Variants in DNMT3A observed in about 807,000 individuals in gnomAD.
DNMT3A encodes the protein DNA methyltransferase 3 alpha.
DNMT3A carries 267 observed loss-of-function variants against 117.6 expected under a neutral mutation model. The observed-to-expected ratio is 2.27, with a 90% confidence interval of 2.05 to 2.51. DNMT3A has a LOEUF of 2.51. Ranked by LOEUF, DNMT3A falls within the 30% of genes most tolerant of loss-of-function variation. DNMT3A has a pLI of 0.00. For synonymous variants in DNMT3A, 432 were observed against 474.8 expected, an observed-to-expected ratio of 0.91 and a Z score of 1.17; for missense variants, 1,029 against 1,260.2, an observed-to-expected ratio of 0.82 and a Z score of 2.78.
At chr2:25,317,212 C>T (rs1164270083) in intron 1 of DNMT3A, among the ~76,000 whole-genome samples, 2 of 148,098 alleles carry the variant, frequency 1.4e-5, no homozygotes, top group Admixed American at 6.8e-5. Flanking sequence ...CAGCCATGTA[C>T]CACCACACCT....
At position 25,341,885 on chromosome 2, in the gene DNMT3A, C is replaced by T; in HGVS notation, c.-237G>A. 1.0e-6 allele frequency: 1 copy of T among 980,240 alleles called. No homozygotes were observed. The highest frequency in any genetic ancestry group is 1.2e-6 in the Non-Finnish European group (1 of 827,704). The allele number at this position is 980,240 out of a possible 1,614,324, so 60.7% of individuals were successfully genotyped here. On this transcript the variant is annotated 5_prime_UTR_variant, in exon 1 of 23. Coordinates refer to ENST00000321117, the MANE Select transcript of DNMT3A (RefSeq NM_022552.5). ...GCGCCCTGGTGCCGCGGCGCCGCGT[C>T]CCGGCTCGTCCTCTGCTCTCGCCGC... is the stretch of plus-strand genomic sequence containing the variant.
rs1280666294 is a variant in DNMT3A at position 25,252,154 on chromosome 2, C to T, written c.640-3902G>A. On this transcript the variant is annotated intron_variant, in intron 6 of 22. Coordinates refer to ENST00000321117, the MANE Select transcript of DNMT3A (RefSeq NM_022552.5). This position sits in a 1 kb window ranked among gnomAD's most constrained non-coding sequence, Gnocchi z 5.5. ...ATCCTCCCACCGGCCCTGCCGCCTC[C>T]CCGCCCCCGGTCTCCCCGGGGCTCC... is the stretch of plus-strand genomic sequence containing the variant. The T allele has an allele frequency of 1.3e-6, 2 of 1,552,322 alleles. No homozygotes were observed. Among genetic ancestry groups the T allele is most frequent in the Admixed American group, 1.9e-5 (1 of 51,980 alleles).
intron 6 of DNMT3A, among the ~76,000 whole-genome samples, chr2:25,258,669 C>T: frequency 6.6e-6 from 1 of 152,240 alleles, no homozygotes; most frequent in South Asian, 2.1e-4. Context: ...CTACATGTGC[C>T]GAAGGAACTC....
In DNMT3A at chr2:25,247,993, G is replaced by A. The variant is rs766926662; in HGVS notation, c.855+44C>T. 6.2e-7 allele frequency: 1 copy of A among 1,610,222 alleles called. No individual in the cohort carries two copies. Among genetic ancestry groups the A allele is most frequent in the Non-Finnish European group, 8.5e-7 (1 of 1,179,058 alleles). ...GGACGGGAGGAGCTGGCAGTGGAAG[G>A]CCCCCGGAAAGAGCTGGCCACGGCT... On this transcript the variant is annotated intron_variant, in intron 7 of 22. Coordinates refer to ENST00000321117, the MANE Select transcript of DNMT3A (RefSeq NM_022552.5). The surrounding 1 kb of genome is among the most constrained non-coding windows in gnomAD (Gnocchi z 5.6).
chr2:25,263,977 C>T (rs2029928472), intron 6 of DNMT3A, among the ~76,000 whole-genome samples: 1 of 152,182 alleles, frequency 6.6e-6, no homozygotes, highest in Non-Finnish European at 1.5e-5. Context: ...ACCTACCAAC[C>T]TCTCACAGGG....
chr2:25,264,342 G>A (rs1297869106), intron 6 of DNMT3A, among the ~76,000 whole-genome samples: 1 of 151,828 alleles, frequency 6.6e-6, no homozygotes, highest in Non-Finnish European at 1.5e-5. Flanking sequence ...GTTTCACCAT[G>A]TTAGCCAGAC....
In DNMT3A at chr2:25,247,981, T is replaced by C; in HGVS notation, c.855+56A>G. ...GAGAGGAGAGCAGGACGGGAGGAGCTGGCAGTGGAAGGCCCCCGGAAAGAG... is the reference window on the plus strand; with the variant it reads ...GAGAGGAGAGCAGGACGGGAGGAGCCGGCAGTGGAAGGCCCCCGGAAAGAG... On this transcript the variant is annotated intron_variant, in intron 7 of 22. Transcript: ENST00000321117. The surrounding 1 kb of genome is among the most constrained non-coding windows in gnomAD (Gnocchi z 5.6). 1 of 1,608,272 alleles carries C rather than the reference T, an allele frequency of 6.2e-7. No individual in the cohort carries two copies. Among genetic ancestry groups the C allele is most frequent in the South Asian group, 1.1e-5 (1 of 90,774 alleles).
intron 2 of DNMT3A, among the ~76,000 whole-genome samples, chr2:25,313,423 T>C (rs1335647936): frequency 6.6e-6 from 1 of 152,180 alleles, no homozygotes; most frequent in Non-Finnish European, 1.5e-5. Flanking sequence ...GCCCAGCCTG[T>C]GCCTCCGTCT....
rs1295208594 is a variant in DNMT3A, at chr2:25,252,063, G to C, written c.640-3811C>G. On this transcript the variant is annotated intron_variant, in intron 6 of 22. Transcript: ENST00000321117. This position sits in a 1 kb window ranked among gnomAD's most constrained non-coding sequence, Gnocchi z 5.5. ...ATCTCCAGAACTCGGGCCAGGCCGG[G>C]ACGCCGCGGCTGCTGCGGGCCGGGG... 1.1e-5 allele frequency: 14 copies of C among 1,237,814 alleles called. No individual in the cohort carries two copies. The highest frequency in any genetic ancestry group is 5.5e-6 in the Non-Finnish European group (5 of 905,040). The allele number at this position is 1,237,814 out of a possible 1,614,324, so 76.7% of individuals were successfully genotyped here.
At chr2:25,275,213 G>A in intron 5 of DNMT3A, 126 bp from the exon 6 acceptor site, 1 of 1,344,088 alleles carries the variant, frequency 7.4e-7, no homozygotes, top group Non-Finnish European at 9.8e-7. Context: ...GGGAGTGCTG[G>A]GCAGGCCCCG....
intron 4 of DNMT3A, among the ~76,000 whole-genome samples, chr2:25,280,615 C>T (rs1161741344): frequency 6.6e-6 from 1 of 152,210 alleles, no homozygotes; most frequent in Non-Finnish European, 1.5e-5. Context: ...GCGCTTATCT[C>T]CATGTGTAAT....
intron 1 of DNMT3A, among the ~76,000 whole-genome samples, chr2:25,325,632 C>T (rs552186992): frequency 6.6e-6 from 1 of 152,256 alleles, no homozygotes; most frequent in African/African-American, 2.4e-5. Context: ...TAATGCTTTC[C>T]CTGGGAGAGA....
In DNMT3A at chr2:25,312,241, A is replaced by G. The variant is rs540544671; in HGVS notation, c.72+1672T>C. Among the ~76,000 whole-genome samples, 5 of 152,128 alleles carry G rather than the reference A, an allele frequency of 3.3e-5. No individual in the cohort carries two copies. In the South Asian group the frequency reaches 6.2e-4, roughly 19 times the overall value. ...GCACAGACAGCGGCAGGTGTCCCCA[A>G]CTCTACGGCCAAAGGGCTTGGGTCT... On this transcript the variant is annotated intron_variant, in intron 2 of 22. Coordinates refer to ENST00000321117, the MANE Select transcript of DNMT3A (RefSeq NM_022552.5).
rs2031890778 is a variant in DNMT3A, at chr2:25,281,600, T to C, written c.448+841A>G. The C allele has an allele frequency of 9.4e-7, 1 of 1,064,122 alleles. No homozygotes were observed. The highest frequency in any genetic ancestry group is 5.4e-5 in the Admixed American group (1 of 18,676). The allele number at this position is 1,064,122 out of a possible 1,614,324, so 65.9% of individuals were successfully genotyped here. A position where few individuals can be genotyped will look rare whatever the true frequency, so the allele number is the denominator to read the frequency against. On this transcript the variant is annotated intron_variant, in intron 4 of 22. Transcript: ENST00000321117. This position sits in a 1 kb window ranked among gnomAD's most constrained non-coding sequence, Gnocchi z 4.8. The stretch of plus-strand genomic sequence containing the variant: ...AGACTTTTTGAAATTAAAATGCACA[T>C]ATGCAAAACAACCTGGCAGGGCCCT...
chr2:25,244,343 A>C lies in DNMT3A; in HGVS notation c.1668-5T>G. On this transcript the variant is annotated splice_polypyrimidine_tract_variant and splice_region_variant and intron_variant, in intron 14 of 22. Coordinates refer to ENST00000321117, the MANE Select transcript of DNMT3A (RefSeq NM_022552.5). ...ACACACTCCACGCAAAAGCACCTGGAAGGAGACCCAGTGAGCAGAGGAGAC... is the reference window on the plus strand; with the variant it reads ...ACACACTCCACGCAAAAGCACCTGGCAGGAGACCCAGTGAGCAGAGGAGAC... The C allele has an allele frequency of 6.3e-7, 1 of 1,598,938 alleles. No individual in the cohort carries two copies.
rs550949143 is a variant in DNMT3A, at chr2:25,236,404, C to T, written c.2478+532G>A. On this transcript the variant is annotated intron_variant, in intron 21 of 22. Coordinates refer to ENST00000321117, the MANE Select transcript of DNMT3A (RefSeq NM_022552.5). The surrounding 1 kb of genome is among the most constrained non-coding windows in gnomAD (Gnocchi z 4.5). The stretch of plus-strand genomic sequence containing the variant: ...AGAAGTAGAAGCTGTAGCCACTGTA[C>T]TTTCCAAGTCTTCCAAAGAATTAGT... 6.6e-6 allele frequency among the ~76,000 whole-genome samples: 1 copy of T among 152,314 alleles called. No individual in the cohort carries two copies. Among genetic ancestry groups the T allele is most frequent in the Non-Finnish European group, 1.5e-5 (1 of 68,026 alleles).
At chr2:25,249,714 C>T in intron 6 of DNMT3A, 1 of 1,614,210 alleles carries the variant, frequency 6.2e-7, no homozygotes, top group Non-Finnish European at 8.5e-7. Context: ...TCACAACCCG[C>T]TCCAGGATCC....
intron 6 of DNMT3A, among the ~76,000 whole-genome samples, chr2:25,265,413 C>CGAGA (rs1363186763): frequency 3.3e-5 from 5 of 152,220 alleles, no homozygotes; most frequent in Non-Finnish European, 7.3e-5. Context: ...AGAAGCAACA[C>CGAGA]GAGATTTGGA....
In DNMT3A at chr2:25,286,772, G is replaced by A. The variant is rs2032337929; in HGVS notation, c.178-4061C>T. On this transcript the variant is annotated intron_variant, in intron 3 of 22. Coordinates refer to ENST00000321117, the MANE Select transcript of DNMT3A (RefSeq NM_022552.5). This position sits in a 1 kb window ranked among gnomAD's most constrained non-coding sequence, Gnocchi z 4.3. The stretch of plus-strand genomic sequence containing the variant: ...GTGCTCACTGAAGGAGCCATCCCTG[G>A]TGAGAAGGGCAGAAACCTCAGCCTG... 2.6e-5 allele frequency among the ~76,000 whole-genome samples: 4 copies of A among 152,206 alleles called. No individual in the cohort carries two copies. The South Asian group carries it at 8.3e-4, about 32-fold the overall frequency.
Sources: gnomAD v4.1 joint callset for allele counts (sites outside exome capture counted in the v4.1 genomes callset) on GRCh38, gnomAD v4.1.1 for gene constraint, Gnocchi (gnomAD v3.1) non-coding constraint, MANE v1.5 for transcripts, NCBI Gene and HGNC (gene_info 2026-07-23, HGNC 2026-07-21) for gene names.